TUT4: variants seen among roughly 807,000 people sequenced by gnomAD.
The protein encoded by TUT4 is terminal uridylyl transferase 4, also known as terminal uridylyltransferase 4.
Under a neutral mutation model 192.2 loss-of-function variants are expected in TUT4, and 36 were observed. That is an observed-to-expected ratio of 0.19 (90% CI 0.14 to 0.25). TUT4 has a LOEUF of 0.25. Among genes scored for constraint, TUT4 ranks in the 10% least tolerant of loss-of-function variants. TUT4 has a pLI of 1.00. For missense variants in TUT4, 1,493 were observed against 1,957.2 expected, an observed-to-expected ratio of 0.76 and a Z score of 4.47; for synonymous variants, 618 against 666.0, an observed-to-expected ratio of 0.93 and a Z score of 1.11.
rs747916893 is a variant in TUT4 at position 52,435,461 on chromosome 1, G to A, written c.4167C>T (p.Ala1389=). ...ARQRNSSVAA[A]QLVRNLVNAQ... ...CATTTACAAGGTTGCGGACCAGCTG[G>A]GCTGCTAAGAGAAGGCATCACAAAG... is the stretch of plus-strand genomic sequence containing the variant. Residue 1389 remains alanine (A), a synonymous_variant, in exon 27 of 30, where the codon GCC becomes GCT. Coordinates refer to ENST00000257177, the MANE Select transcript of TUT4 (RefSeq NM_001009881.3). The A allele has an allele frequency of 2.5e-6, 4 of 1,613,958 alleles. No homozygotes were observed. The South Asian group carries it at 4.4e-5, about 18-fold the overall frequency.
At position 52,511,804 on chromosome 1, in the gene TUT4, T is replaced by C. The variant is rs762480445; in HGVS notation, c.883-2092A>G. On this transcript the variant is annotated intron_variant, in intron 3 of 29. Coordinates refer to ENST00000257177, the MANE Select transcript of TUT4 (RefSeq NM_001009881.3). ...TTATTCTAAGTATGAGGGAAAGCCA[T>C]TGAAGGTTTATGAGCAGAGAATTAC... 4.6e-5 allele frequency among the ~76,000 whole-genome samples: 7 copies of C among 152,302 alleles called. No homozygotes were observed. The South Asian group carries it at 1.5e-3, about 32-fold the overall frequency.
chr1:52,468,773 G>C (rs752316434), intron 14 of TUT4, among the ~76,000 whole-genome samples: 1 of 152,162 alleles, frequency 6.6e-6, no homozygotes, highest in African/African-American at 2.4e-5. Flanking sequence ...TCTTCAAACT[G>C]TGTGCCACAG....
chr1:52,453,352 A>G (rs1659995072), intron 20 of TUT4, among the ~76,000 whole-genome samples: 1 of 152,010 alleles, frequency 6.6e-6, no homozygotes, highest in Non-Finnish European at 1.5e-5. Flanking sequence ...ACTGCACTCC[A>G]GCATGGGTGA....
chr1:52,469,906 A>AT (rs941862852), intron 14 of TUT4, among the ~76,000 whole-genome samples: 5 of 151,762 alleles, frequency 3.3e-5, no homozygotes, highest in African/African-American at 1.2e-4. Context: ...AAAAAAAAAA[A>AT]AAAAGACGGC....
intron 2 of TUT4, among the ~76,000 whole-genome samples, chr1:52,519,288 G>A (rs1283288024): frequency 6.6e-6 from 1 of 152,116 alleles, no homozygotes; most frequent in Admixed American, 6.5e-5. Context: ...GCCACATATT[G>A]TATTATTTCA....
chr1:52,493,863 C>T (rs1371308904), intron 6 of TUT4, among the ~76,000 whole-genome samples: 1 of 151,448 alleles, frequency 6.6e-6, no homozygotes, highest in Non-Finnish European at 1.5e-5. Context: ...GCAGCATGAC[C>T]ATAGCTCACT....
At chr1:52,465,840 G>A (rs1663956729) in intron 15 of TUT4, among the ~76,000 whole-genome samples, 1 of 152,014 alleles carries the variant, frequency 6.6e-6, no homozygotes, top group Non-Finnish European at 1.5e-5. Context: ...CAAATAAGCT[G>A]TGGTTTAACA....
chr1:52,456,246 T>C (rs537188195), intron 20 of TUT4, among the ~76,000 whole-genome samples: 2 of 150,910 alleles, frequency 1.3e-5, no homozygotes, highest in South Asian at 2.1e-4. Context: ...CTACTAAAAA[T>C]ACAAAAACCA....
Position 52,465,164 on chromosome 1 carries a change from C to T in TUT4, c.2975G>A (p.Arg992Lys). The change falls in exon 16 of 30, where the codon AGG (arginine) becomes AAG (lysine). Residue 992 changes from arginine (R) to lysine (K), a missense_variant. Coordinates refer to ENST00000257177, the MANE Select transcript of TUT4 (RefSeq NM_001009881.3). ...CTTAGAAGAGCCAAATAAGCACAAC[C>T]TTGCCTTTTCTAAGCAAAGGAAAAC... Reference protein sequence around the residue: ...FIQKEYDEKARLCLFGSSKNG... With the variant: ...FIQKEYDEKAKLCLFGSSKNG... 1.2e-6 allele frequency: 2 copies of T among 1,612,902 alleles called. No homozygotes were observed. Among genetic ancestry groups the T allele is most frequent in the Non-Finnish European group, 1.7e-6 (2 of 1,179,558 alleles).
At chr1:52,533,649 C>T (rs1349873099) in intron 1 of TUT4, among the ~76,000 whole-genome samples, 1 of 152,094 alleles carries the variant, frequency 6.6e-6, no homozygotes, top group Non-Finnish European at 1.5e-5. Context: ...TTTGGTGGAA[C>T]ATACCCTCCA....
intron 11 of TUT4, among the ~76,000 whole-genome samples, chr1:52,479,791 G>A (rs1362383231): frequency 7.2e-5 from 11 of 151,858 alleles, no homozygotes; most frequent in Non-Finnish European, 1.5e-4. Context: ...TCAGGAGATT[G>A]AGACCATCCT....
intron 27 of TUT4, 62 bp downstream of exon 27, chr1:52,435,303 C>T: frequency 7.5e-7 from 1 of 1,333,886 alleles, no homozygotes; most frequent in Non-Finnish European, 1.1e-6. Context: ...AAAACACTAT[C>T]ACCCATTAAA....
At chr1:52,500,484 C>T (rs1172997450) in intron 4 of TUT4, among the ~76,000 whole-genome samples, 3 of 151,876 alleles carry the variant, frequency 2.0e-5, no homozygotes, top group African/African-American at 4.8e-5. Flanking sequence ...AAAATTAGGC[C>T]AGGCACGGTG....
In TUT4 at chr1:52,472,089, A is replaced by G. The variant is rs1421354872; in HGVS notation, c.2741T>C (p.Val914Ala). The change falls in exon 14 of 30, where the codon GTA (valine) becomes GCA (alanine). Residue 914 changes from valine (V) to alanine (A), a missense_variant. Around this residue, in one of 7 missense-constraint regions of TUT4, gnomAD observed 59 missense variants for 114.3 expected, o/e 0.52. Coordinates refer to ENST00000257177, the MANE Select transcript of TUT4 (RefSeq NM_001009881.3). ...ILTSGKPPTI[V>A]CSICKKDGHS... Reference sequence around the variant, plus strand: ...GCCATCCTTTTTGCAGATGCTGCATACTATCGTTGGTGGCTACACAAAGAT... The same window carrying G: ...GCCATCCTTTTTGCAGATGCTGCATGCTATCGTTGGTGGCTACACAAAGAT... 5 of 1,613,550 alleles carry G rather than the reference A, an allele frequency of 3.1e-6. No homozygotes were observed. The highest frequency in any genetic ancestry group is 3.4e-6 in the Non-Finnish European group (4 of 1,179,800).
rs555694546 is a variant in TUT4, at chr1:52,443,014, C to T, written c.3822+2773G>A. Among the ~76,000 whole-genome samples the T allele has an allele frequency of 9.5e-4, 144 of 152,154 alleles. No individual in the cohort carries two copies. The Middle Eastern group carries it at 0.01, about 11-fold the overall frequency. On this transcript the variant is annotated intron_variant, in intron 24 of 29. Coordinates refer to ENST00000257177, the MANE Select transcript of TUT4 (RefSeq NM_001009881.3). The stretch of plus-strand genomic sequence containing the variant: ...ACTAAAAAGTCTCGGAAAGGCACAG[C>T]GGCTCACGCCTGTAATCCCAGCACT...
At chr1:52,542,495 A>G (rs1011104797) in intron 1 of TUT4, among the ~76,000 whole-genome samples, 2 of 152,226 alleles carry the variant, frequency 1.3e-5, no homozygotes, top group Non-Finnish European at 2.9e-5. Flanking sequence ...AAAACAGATC[A>G]ATGTAACACA....
chr1:52,516,107 T>A (rs1678646965), intron 2 of TUT4, 53 bp from the exon 3 acceptor site: 14 of 1,393,084 alleles, frequency 1.0e-5, no homozygotes, highest in Non-Finnish European at 1.4e-5. Flanking sequence ...AATTTTTAAA[T>A]TTTTTAATGG....
chr1:52,530,679 C>T (rs141722662), intron 1 of TUT4, among the ~76,000 whole-genome samples: 2 of 151,994 alleles, frequency 1.3e-5, no homozygotes, highest in East Asian at 1.9e-4. Context: ...TTCCTAGAAA[C>T]GAAGTTCTCT....
chr1:52,512,367 CTAGG>C (rs1216838322), intron 3 of TUT4, among the ~76,000 whole-genome samples: 2 of 152,178 alleles, frequency 1.3e-5, no homozygotes, highest in Admixed American at 6.5e-5. Flanking sequence ...GTCCTATGAG[CTAGG>C]TGTTATAATT....
Sources: gnomAD v4.1 joint callset for allele counts (sites outside exome capture counted in the v4.1 genomes callset) on GRCh38, gnomAD v4.1.1 for gene constraint, gnomAD v4.1.1 regional missense constraint, MANE v1.5 for transcripts, NCBI Gene and HGNC (gene_info 2026-07-23, HGNC 2026-07-21) for gene names.